ABCC12: variants seen among roughly 807,000 people sequenced by gnomAD.
ABCC12 encodes ATP binding cassette subfamily C member 12.
ABCC12 carries 142 observed loss-of-function variants against 151.1 expected under a neutral mutation model. The ratio of observed to expected loss-of-function variants is 0.94; its 90% CI spans 0.82 to 1.08. The LOEUF (loss-of-function observed/expected upper bound fraction) is 1.08. Among genes scored for constraint, ABCC12 ranks in the 50% least tolerant of loss-of-function variants. ABCC12 has a pLI of 0.00. For synonymous variants in ABCC12, 645 were observed against 646.4 expected (o/e 1.00, Z 0.03); for missense variants, 1,638 against 1,691.1 (o/e 0.97, Z 0.55).
At chr16:48,116,736 G>C (rs1963896632) in intron 14 of ABCC12, among the ~76,000 whole-genome samples, 1 of 152,202 alleles carries the variant, frequency 6.6e-6, no homozygotes, top group Admixed American at 6.5e-5. Context: ...CCTGGGCAAG[G>C]TGAGGAAGAT....
chr16:48,127,498 A>G (rs1964278713), intron 11 of ABCC12, among the ~76,000 whole-genome samples: 1 of 152,078 alleles, frequency 6.6e-6, no homozygotes, highest in African/African-American at 2.4e-5. Context: ...TTTGCTTTTT[A>G]CAAGAGGAGT....
At chr16:48,114,946 C>T (rs1404236922) in intron 15 of ABCC12, among the ~76,000 whole-genome samples, 1 of 152,196 alleles carries the variant, frequency 6.6e-6, no homozygotes, top group Non-Finnish European at 1.5e-5. Flanking sequence ...GGCTTCAAGC[C>T]CCTTTCCCCT....
At chr16:48,087,853 A>T in intron 27 of ABCC12, 73 bp downstream of exon 27, 2 of 1,513,216 alleles carry the variant, frequency 1.3e-6, no homozygotes, top group South Asian at 1.3e-5. Context: ...TGCCCTGGGG[A>T]CATCACAAAG....
intron 25 of ABCC12, among the ~76,000 whole-genome samples, chr16:48,089,845 G>T (rs1000245431): frequency 6.6e-6 from 1 of 152,112 alleles, no homozygotes; most frequent in African/African-American, 2.4e-5. Context: ...TTGAATAATT[G>T]ATTTAAACAC....
At chr16:48,128,163 A>G (rs1444261573) in intron 11 of ABCC12, among the ~76,000 whole-genome samples, 1 of 152,190 alleles carries the variant, frequency 6.6e-6, no homozygotes, top group Non-Finnish European at 1.5e-5. Flanking sequence ...TATGAAACCT[A>G]GTCAGTTCAA....
chr16:48,151,352 A>G (rs1264271829), intron 2 of ABCC12, among the ~76,000 whole-genome samples: 5 of 152,218 alleles, frequency 3.3e-5, no homozygotes, highest in Non-Finnish European at 5.9e-5. Flanking sequence ...AAGGTCATCA[A>G]AGACAAGGAG....
intron 7 of ABCC12, among the ~76,000 whole-genome samples, chr16:48,138,645 G>A (rs767671736): frequency 1.8e-4 from 28 of 152,098 alleles, no homozygotes; most frequent in Non-Finnish European, 2.9e-4. Flanking sequence ...CCACTTCCTA[G>A]AGCATTCAAA....
intron 4 of ABCC12, among the ~76,000 whole-genome samples, chr16:48,142,806 T>A (rs1964862929): frequency 6.6e-6 from 1 of 152,214 alleles, no homozygotes; most frequent in South Asian, 2.1e-4. Flanking sequence ...GTAGTATGCT[T>A]CATTTTTTGT....
At chr16:48,120,730 A>AT in intron 13 of ABCC12, among the ~76,000 whole-genome samples, 1 of 151,978 alleles carries the variant, frequency 6.6e-6, no homozygotes, top group African/African-American at 2.4e-5. Context: ...TAATTTTTGT[A>AT]TTTTTAGTAG....
At chr16:48,091,404 C>G (rs138575218) in intron 24 of ABCC12, among the ~76,000 whole-genome samples, 195 bp from the exon 25 acceptor site, 1 of 152,232 alleles carries the variant, frequency 6.6e-6, no homozygotes, top group Admixed American at 6.5e-5. Context: ...CCTTTAAACA[C>G]TTCCTTTGTA....
At chr16:48,118,093 C>T (rs959131784) in intron 13 of ABCC12, among the ~76,000 whole-genome samples, 2 of 152,144 alleles carry the variant, frequency 1.3e-5, no homozygotes, top group South Asian at 4.1e-4. Flanking sequence ...GCAGCCAAGC[C>T]GCCAGGACTA....
intron 18 of ABCC12, 94 bp from the exon 19 acceptor site, chr16:48,108,623 T>A: frequency 1.1e-6 from 1 of 901,240 alleles, no homozygotes; most frequent in Admixed American, 2.3e-5. Flanking sequence ...ACAACACGGC[T>A]AAGGGGGCTG....
intron 8 of ABCC12, among the ~76,000 whole-genome samples, chr16:48,135,014 T>C (rs1027435915): frequency 6.8e-6 from 1 of 147,260 alleles, no homozygotes; most frequent in African/African-American, 2.5e-5. Context: ...ATTGCACCAC[T>C]GCACTCCAGC....
At chr16:48,087,764 G>T in intron 27 of ABCC12, 162 bp downstream of exon 27, 2 of 690,264 alleles carry the variant, frequency 2.9e-6, no homozygotes, top group Non-Finnish European at 4.7e-6. Context: ...AAGGCTGGAT[G>T]CAGAAACAGG....
intron 8 of ABCC12, among the ~76,000 whole-genome samples, chr16:48,137,188 C>T (rs192093039): frequency 8.7e-4 from 133 of 152,194 alleles, no homozygotes; most frequent in African/African-American, 2.9e-3. Context: ...GGAATGGAGA[C>T]GAGCAGATGG....
intron 21 of ABCC12, 46 bp from the exon 22 acceptor site, chr16:48,104,414 A>G (rs949822996): frequency 9.0e-6 from 14 of 1,560,148 alleles, no homozygotes; most frequent in Non-Finnish European, 1.2e-5. Context: ...ATGCGTGCTT[A>G]GTAAACCCTG....
chr16:48,094,513 G>A (rs956954688), intron 24 of ABCC12, among the ~76,000 whole-genome samples: 1 of 152,166 alleles, frequency 6.6e-6, no homozygotes, highest in Non-Finnish European at 1.5e-5. Context: ...AAAGAGGCTG[G>A]CTGATAGGCT....
At chr16:48,085,549 G>A (rs745554212) in intron 29 of ABCC12, 44 bp downstream of exon 29, 2 of 1,572,058 alleles carry the variant, frequency 1.3e-6, no homozygotes, top group Non-Finnish European at 8.8e-7. Flanking sequence ...GGCGCTGCGG[G>A]AAATATCCAA....
At chr16:48,086,929 T>A in intron 27 of ABCC12, 110 bp from the exon 28 acceptor site, 1 of 887,874 alleles carries the variant, frequency 1.1e-6, no homozygotes, top group Non-Finnish European at 1.9e-6. Flanking sequence ...TGGCATGTGA[T>A]GACCTCGTGC....
Sources: gnomAD v4.1 joint callset for allele counts (sites outside exome capture counted in the v4.1 genomes callset) on GRCh38, gnomAD v4.1.1 for gene constraint, MANE v1.5 for transcripts, NCBI Gene and HGNC (gene_info 2026-07-23, HGNC 2026-07-21) for gene names.